QSOX1: variants seen among roughly 807,000 people sequenced by gnomAD.
The protein encoded by QSOX1 is quiescin sulfhydryl oxidase 1.
A neutral mutation model predicts 76.1 loss-of-function variants in QSOX1; 40 were observed. That is an observed-to-expected ratio of 0.53 (90% CI 0.41 to 0.68). QSOX1 has a LOEUF of 0.68. Among genes scored for constraint, QSOX1 ranks in the 30% least tolerant of loss-of-function variants. QSOX1 has a pLI of 0.00. For synonymous variants in QSOX1, 392 were observed against 413.1 expected (o/e 0.95, Z 0.62); for missense variants, 931 against 974.3 (o/e 0.96, Z 0.59).
rs546201867 is a variant in QSOX1, at chr1:180,203,627, AT to A, written c.*6593del. ...CAATAAAATTTGTAGGAGGCCACTG[AT>A]TTGGCCTAGGCTCCTATGATGTAAC... On this transcript the variant is annotated 3_prime_UTR_variant, in exon 12 of 12. Coordinates refer to ENST00000367602, the MANE Select transcript of QSOX1 (RefSeq NM_002826.5). The A allele has an allele frequency of 9.2e-5, 14 of 152,270 alleles. No individual in the cohort carries two copies. The highest frequency in any genetic ancestry group is 1.6e-4 in the Non-Finnish European group (11 of 68,038). 9.4% of individuals were successfully genotyped at this position (152,270 alleles called of 1,614,324 possible).
chr1:180,166,669 GT>G, intron 2 of QSOX1, 78 bp downstream of exon 2: 1 of 1,398,376 alleles, frequency 7.2e-7, no homozygotes, highest in South Asian at 1.2e-5. Context: ...CATGTGGGAT[GT>G]GTCGGGATGG....
rs1662639577 is a variant in QSOX1 at position 180,166,707 on chromosome 1, C to G, written c.366+116C>G. 2 of 1,026,302 alleles carry G rather than the reference C, an allele frequency of 1.9e-6. No homozygotes were observed. Among genetic ancestry groups the G allele is most frequent in the African/African-American group, 3.2e-5 (2 of 63,212 alleles). The allele number at this position is 1,026,302 out of a possible 1,614,324, so 63.6% of individuals were successfully genotyped here. A position where few individuals can be genotyped will look rare whatever the true frequency, so the allele number is the denominator to read the frequency against. ...CAGATTTCAGCTGCTCTGATTTGAG[C>G]TGGGAGGTGATCATCACTTGGGCTG... On this transcript the variant is annotated intron_variant, in intron 2 of 11. Coordinates refer to ENST00000367602, the MANE Select transcript of QSOX1 (RefSeq NM_002826.5).
rs371333809 is a variant in QSOX1 at position 180,196,869 on chromosome 1, G to T, written c.2076G>T (p.Arg692=). Residue 692 remains arginine (R), a synonymous_variant, in exon 12 of 12, where the codon CGG becomes CGT. Coordinates refer to ENST00000367602, the MANE Select transcript of QSOX1 (RefSeq NM_002826.5). The surrounding 1 kb of genome is among the most constrained non-coding windows in gnomAD (Gnocchi z 4.1). The part of the protein sequence containing the change: ...PEGQLEARAG[R]GRGQWLQVLG... ...GCCAGCTGGAGGCCCGAGCTGGACG[G>T]GGCCGAGGCCAGTGGCTGCAGGTGC... 11 of 1,599,274 alleles carry T rather than the reference G, an allele frequency of 6.9e-6. No individual in the cohort carries two copies. The Admixed American group carries it at 1.0e-4, about 15-fold the overall frequency.
rs568171282 is a variant in QSOX1, at chr1:180,161,109, C to T, written c.266-5382C>T. ...GTGGGAGGCAGAGGTCACAGTGAGC[C>T]GAGATTGCACCACTGCACTCCAGCC... On this transcript the variant is annotated intron_variant, in intron 1 of 11. Coordinates refer to ENST00000367602, the MANE Select transcript of QSOX1 (RefSeq NM_002826.5). 4.6e-5 allele frequency among the ~76,000 whole-genome samples: 7 copies of T among 151,992 alleles called. No homozygotes were observed. In the South Asian group the frequency reaches 6.2e-4, roughly 14 times the overall value.
intron 10 of QSOX1, among the ~76,000 whole-genome samples, chr1:180,191,838 G>T (rs1644924377): frequency 6.6e-6 from 1 of 152,142 alleles, no homozygotes; most frequent in Non-Finnish European, 1.5e-5. Flanking sequence ...CAAATGTCAG[G>T]CTGGGGCTCA....
intron 5 of QSOX1, among the ~76,000 whole-genome samples, chr1:180,179,343 C>A (rs1215431993): frequency 6.6e-6 from 1 of 152,226 alleles, no homozygotes; most frequent in Non-Finnish European, 1.5e-5. Context: ...GACGCCCTAG[C>A]CCCACCGGAG....
chr1:180,158,148 T>A (rs1662412981), intron 1 of QSOX1, among the ~76,000 whole-genome samples: 1 of 152,248 alleles, frequency 6.6e-6, no homozygotes, highest in Non-Finnish European at 1.5e-5. Context: ...TTTACACAGA[T>A]GCTGGAGAAG....
chr1:180,192,191 G>A (rs921195793), intron 10 of QSOX1, among the ~76,000 whole-genome samples: 1 of 152,198 alleles, frequency 6.6e-6, no homozygotes, highest in South Asian at 2.1e-4. Context: ...AGACCAGCAG[G>A]TGCAAAGGAC....
At chr1:180,178,965 C>A in intron 5 of QSOX1, 81 bp downstream of exon 5, 1 of 1,295,396 alleles carries the variant, frequency 7.7e-7, no homozygotes, top group Non-Finnish European at 1.1e-6. Context: ...CTTTTCCTGC[C>A]AATTCTAGGG....
chr1:180,183,218 G>T (rs764444303), intron 6 of QSOX1, among the ~76,000 whole-genome samples: 1 of 151,912 alleles, frequency 6.6e-6, no homozygotes, highest in Admixed American at 6.6e-5. Flanking sequence ...GAATGAAGCC[G>T]TGCGTCCCAT....
chr1:180,189,301 T>C (rs909178851), intron 8 of QSOX1, among the ~76,000 whole-genome samples: 25 of 152,152 alleles, frequency 1.6e-4, no homozygotes, highest in African/African-American at 6.0e-4. Context: ...CCACCCCATT[T>C]AGAGCGAGCA....
Position 180,194,409 on chromosome 1 carries a change from C to G in QSOX1, c.1468+17C>G. On this transcript the variant is annotated intron_variant, in intron 11 of 11. Coordinates refer to ENST00000367602, the MANE Select transcript of QSOX1 (RefSeq NM_002826.5). Reference sequence around the variant, plus strand: ...GCCTTGCAGGTAAGGAAGGACCATCCCCAAGGCTGGAGTCACTTGTGGGGG... The same window carrying G: ...GCCTTGCAGGTAAGGAAGGACCATCGCCAAGGCTGGAGTCACTTGTGGGGG... 6.6e-7 allele frequency: 1 copy of G among 1,517,870 alleles called. No homozygotes were observed. The highest frequency in any genetic ancestry group is 8.9e-7 in the Non-Finnish European group (1 of 1,125,684). The allele number at this position is 1,517,870 out of a possible 1,614,324, so 94.0% of individuals were successfully genotyped here. A position where few individuals can be genotyped will look rare whatever the true frequency, so the allele number is the denominator to read the frequency against.
intron 8 of QSOX1, among the ~76,000 whole-genome samples, chr1:180,187,556 T>G (rs1663205343): frequency 6.6e-6 from 1 of 152,236 alleles, no homozygotes; most frequent in Non-Finnish European, 1.5e-5. Context: ...CTCGCATCTC[T>G]CAGCTGTGAT....
chr1:180,173,384 A>G (rs1441664788), intron 2 of QSOX1, among the ~76,000 whole-genome samples: 4 of 152,240 alleles, frequency 2.6e-5, no homozygotes, highest in African/African-American at 9.6e-5. Flanking sequence ...AATCAAGGAA[A>G]TTTATGATCA....
Position 180,176,045 on chromosome 1 carries a change from T to TG in QSOX1, c.515+16dup. 6.4e-7 allele frequency: 1 copy of TG among 1,569,276 alleles called. No homozygotes were observed. The highest frequency in any genetic ancestry group is 8.7e-7 in the Non-Finnish European group (1 of 1,155,044). ...CTGGAGCCTGCCAAGTACTTTGGGCTGGGGCAGGCTTAGTGCATTGTGGGC... is the reference window on the plus strand; with the variant it reads ...CTGGAGCCTGCCAAGTACTTTGGGCTGGGGGCAGGCTTAGTGCATTGTGGGC... On this transcript the variant is annotated intron_variant, in intron 4 of 11. Coordinates refer to ENST00000367602, the MANE Select transcript of QSOX1 (RefSeq NM_002826.5).
At chr1:180,171,350 G>A (rs1189507579) in intron 2 of QSOX1, among the ~76,000 whole-genome samples, 1 of 150,026 alleles carries the variant, frequency 6.7e-6, no homozygotes, top group African/African-American at 2.5e-5. Flanking sequence ...GAGGGGGATG[G>A]TGTGGGTGGC....
intron 8 of QSOX1, among the ~76,000 whole-genome samples, chr1:180,186,617 C>T (rs948150518): frequency 3.3e-5 from 5 of 152,248 alleles, no homozygotes; most frequent in African/African-American, 9.6e-5. Context: ...CAGTCTGACC[C>T]GATCCCTGGC....
chr1:180,183,218 G>C, intron 6 of QSOX1, among the ~76,000 whole-genome samples: 1 of 151,912 alleles, frequency 6.6e-6, no homozygotes, highest in East Asian at 1.9e-4. Context: ...GAATGAAGCC[G>C]TGCGTCCCAT....
Position 180,196,883 on chromosome 1 carries a change from G to C in QSOX1, c.2090G>C (p.Trp697Ser). 6.3e-7 allele frequency: 1 copy of C among 1,594,352 alleles called. No homozygotes were observed. Among genetic ancestry groups the C allele is most frequent in the Non-Finnish European group, 8.6e-7 (1 of 1,168,024 alleles). The change falls in exon 12 of 12, where the codon TGG becomes TCG. Residue 697 changes from tryptophan (W) to serine (S), a missense_variant. By Grantham distance (177) the Trp-to-Ser change is radical (BLOSUM62 -3). Transcript: ENST00000367602. This position sits in a 1 kb window ranked among gnomAD's most constrained non-coding sequence, Gnocchi z 4.1. ...EARAGRGRGQ[W>S]LQVLGGGFSY... ...CGAGCTGGACGGGGCCGAGGCCAGT[G>C]GCTGCAGGTGCTGGGAGGGGGCTTC... is the stretch of plus-strand genomic sequence containing the variant.
Sources: allele counts gnomAD v4.1 joint callset (sites outside exome capture counted in the v4.1 genomes callset), GRCh38; gene constraint gnomAD v4.1.1; non-coding constraint Gnocchi (gnomAD v3.1); transcripts MANE v1.5; gene names NCBI Gene and HGNC (gene_info 2026-07-23, HGNC 2026-07-21).